Variants in MOCS3 observed in about 807,000 individuals in gnomAD.
The protein encoded by MOCS3 is adenylyltransferase and sulfurtransferase MOCS3.
Under a neutral mutation model 8.4 loss-of-function variants are expected in MOCS3, and 9 were observed. The observed-to-expected ratio is 1.07, with a 90% CI of 0.65 to 1.87. The LOEUF is 1.87. Among genes scored for constraint, MOCS3 ranks in the 40% most tolerant of loss-of-function variants. MOCS3 has a pLI of 0.00. For missense variants in MOCS3, 581 were observed against 599.7 expected, an observed-to-expected ratio of 0.97 and a Z score of 0.33; for synonymous variants, 294 against 272.0, an observed-to-expected ratio of 1.08 and a Z score of -0.80.
chr20:50,959,269 G>T lies in MOCS3; in HGVS notation c.427G>T (p.Ala143Ser). 6.2e-7 allele frequency: 1 copy of T among 1,609,670 alleles called. No individual in the cohort carries two copies. The highest frequency in any genetic ancestry group is 8.5e-7 in the Non-Finnish European group (1 of 1,179,322). Residue 143 changes from alanine (A) to serine (S), a missense_variant, in exon 1 of 1, where the codon GCC (alanine) becomes TCC (serine). Transcript: ENST00000244051. ...AGQAKAFSAA[A>S]SLRRLNSAVE... The stretch of plus-strand genomic sequence containing the variant: ...CCAGGCCAAGGCCTTTTCGGCCGCC[G>T]CCTCGCTGCGCCGCCTCAATTCGGC...
rs919025124 is a variant in MOCS3 at position 50,962,699 on chromosome 20, G to A, written c.*2474G>A. 1.3e-5 allele frequency: 2 copies of A among 152,146 alleles called. No individual in the cohort carries two copies. Among genetic ancestry groups the A allele is most frequent in the African/African-American group, 2.4e-5 (1 of 41,410 alleles). 9.4% of individuals were successfully genotyped at this position (152,146 alleles called of 1,614,324 possible). A position where few individuals can be genotyped will look rare whatever the true frequency, so the allele number is the denominator to read the frequency against. ...TGAGTAGCTGGGATTACAGGCACCT[G>A]CCACCACATCTGGCTAATTTTTCTA... On this transcript the variant is annotated 3_prime_UTR_variant, in exon 1 of 1. Transcript: ENST00000244051.
In MOCS3 at chr20:50,960,064, A is replaced by G. The variant is rs368022303; in HGVS notation, c.1222A>G (p.Ile408Val). 1.9e-6 allele frequency: 3 copies of G among 1,614,152 alleles called. No individual in the cohort carries two copies. The highest frequency in any genetic ancestry group is 2.5e-6 in the Non-Finnish European group (3 of 1,180,046). Residue 408 changes from isoleucine (I) to valine (V), a missense_variant, in exon 1 of 1, where the codon ATT (isoleucine) becomes GTT (valine). Ile to Val is a conservative substitution (Grantham distance 29). Coordinates refer to ENST00000244051, the MANE Select transcript of MOCS3 (RefSeq NM_014484.5). ...QGTQEGAAVPIYVICKLGNDS... is the reference protein window; with the variant it reads ...QGTQEGAAVPVYVICKLGNDS... ...CACACAAGAAGGGGCTGCTGTCCCC[A>G]TTTATGTGATTTGCAAACTGGGAAA... is the stretch of plus-strand genomic sequence containing the variant.
chr20:50,961,942 C>T lies in MOCS3; in HGVS notation c.*1717C>T, dbSNP rs1163567157. The T allele has an allele frequency of 1.3e-5, 2 of 152,160 alleles. No homozygotes were observed. Among genetic ancestry groups the T allele is most frequent in the African/African-American group, 4.8e-5 (2 of 41,432 alleles). The allele number at this position is 152,160 out of a possible 1,614,324, so 9.4% of individuals were successfully genotyped here. ...ACATAGCAGGAAACAAATAGCGACA[C>T]ACAGGAACAATTTCATATTCTAAAG... On this transcript the variant is annotated 3_prime_UTR_variant, in exon 1 of 1. Transcript: ENST00000244051.
rs74274627 is a variant in MOCS3 at position 50,961,021 on chromosome 20, C to A, written c.*796C>A. ...CTTCCCAGAGTGCTGGGATTACAGG[C>A]GTGAGCCACCACACCCTCCCGAGAT... On this transcript the variant is annotated 3_prime_UTR_variant, in exon 1 of 1. Coordinates refer to ENST00000244051, the MANE Select transcript of MOCS3 (RefSeq NM_014484.5). The A allele has an allele frequency of 1.2e-5, 2 of 166,930 alleles. No homozygotes were observed. The highest frequency in any genetic ancestry group is 4.8e-5 in the African/African-American group (2 of 41,388). The allele number at this position is 166,930 out of a possible 1,614,324, so 10.3% of individuals were successfully genotyped here. A position where few individuals can be genotyped will look rare whatever the true frequency, so the allele number is the denominator to read the frequency against.
rs1405400662 is a variant in MOCS3 at position 50,961,663 on chromosome 20, T to A, written c.*1438T>A. ...TTGCAATTTGTGATATAGAATCTTG[T>A]TTTATTATAAGAGGGTGGTATTTAA... On this transcript the variant is annotated 3_prime_UTR_variant, in exon 1 of 1. Transcript: ENST00000244051. The A allele has an allele frequency of 6.6e-6, 1 of 152,230 alleles. No homozygotes were observed. The highest frequency in any genetic ancestry group is 1.5e-5 in the Non-Finnish European group (1 of 68,036). 9.4% of individuals were successfully genotyped at this position (152,230 alleles called of 1,614,324 possible).
At position 50,960,745 on chromosome 20, in the gene MOCS3, A is replaced by AT. The variant is rs200423195; in HGVS notation, c.*536dup. 2,463 of 151,182 alleles carry AT rather than the reference A, an allele frequency of 0.016. 22 individuals are homozygous for AT. The highest frequency in any genetic ancestry group is 0.031 in the African/African-American group (1,233 of 39,176). The allele number at this position is 151,182 out of a possible 1,614,324, so 9.4% of individuals were successfully genotyped here. A position where few individuals can be genotyped will look rare whatever the true frequency, so the allele number is the denominator to read the frequency against. Reference sequence around the variant, plus strand: ...CCTTTTGAATTAGTATCAAAATGAGATTTTTTTTTTTTTTTTGAGATGGAA... The same window carrying AT: ...CCTTTTGAATTAGTATCAAAATGAGATTTTTTTTTTTTTTTTTGAGATGGAA... On this transcript the variant is annotated 3_prime_UTR_variant, in exon 1 of 1. Coordinates refer to ENST00000244051, the MANE Select transcript of MOCS3 (RefSeq NM_014484.5).
chr20:50,960,414 A>C lies in MOCS3; in HGVS notation c.*189A>C. 1.8e-6 allele frequency: 1 copy of C among 550,734 alleles called. No homozygotes were observed. Among genetic ancestry groups the C allele is most frequent in the Non-Finnish European group, 3.1e-6 (1 of 327,456 alleles). The allele number at this position is 550,734 out of a possible 1,614,324, so 34.1% of individuals were successfully genotyped here. On this transcript the variant is annotated 3_prime_UTR_variant, in exon 1 of 1. Coordinates refer to ENST00000244051, the MANE Select transcript of MOCS3 (RefSeq NM_014484.5). Reference sequence around the variant, plus strand: ...GATGAATGACTTATTAATGGATTATACCGTTTCTGAGAACCATCATTTTTT... The same window carrying C: ...GATGAATGACTTATTAATGGATTATCCCGTTTCTGAGAACCATCATTTTTT...
rs759425469 is a variant in MOCS3, at chr20:50,959,637, G to C, written c.795G>C (p.Ala265=). 6.2e-7 allele frequency: 1 copy of C among 1,614,122 alleles called. No individual in the cohort carries two copies. Among genetic ancestry groups the C allele is most frequent in the African/African-American group, 1.3e-5 (1 of 74,948 alleles). Residue 265 remains alanine, a synonymous_variant, in exon 1 of 1, where the codon GCG becomes GCC. Coordinates refer to ENST00000244051, the MANE Select transcript of MOCS3 (RefSeq NM_014484.5). Reference sequence around the variant, plus strand: ...CCTTGGAAGTGCTGAAAATCGCTGCGGGTCTGGGCCCCTCTTACAGTGGCA... The same window carrying C: ...CCTTGGAAGTGCTGAAAATCGCTGCCGGTCTGGGCCCCTCTTACAGTGGCA... ...LQALEVLKIA[A]GLGPSYSGSL...
rs1045863557 is a variant in MOCS3, at chr20:50,959,327, C to G, written c.485C>G (p.Thr162Arg). 3 of 1,610,164 alleles carry G rather than the reference C, an allele frequency of 1.9e-6. No homozygotes were observed. The highest frequency in any genetic ancestry group is 1.7e-4 in the Middle Eastern group (1 of 6,054). ...VECVPYTQAL[T>R]PATALDLVRR... ...TGCGTGCCGTACACTCAGGCCCTTA[C>G]GCCAGCCACTGCCCTAGACCTGGTC... The change falls in exon 1 of 1, where the codon ACG (threonine) becomes AGG (arginine). Residue 162 changes from threonine (T) to arginine (R), a missense_variant. Physicochemically the swap from Thr to Arg is moderately conservative, Grantham distance 71. Coordinates refer to ENST00000244051, the MANE Select transcript of MOCS3 (RefSeq NM_014484.5).
chr20:50,962,148 A>T lies in MOCS3; in HGVS notation c.*1923A>T, dbSNP rs1438759362. ...CTAGGAATGATGCCCGAAATCATGC[A>T]CAAAACTGGCCTTAGGAGAACAGTG... On this transcript the variant is annotated 3_prime_UTR_variant, in exon 1 of 1. Transcript: ENST00000244051. 1 of 152,226 alleles carries T rather than the reference A, an allele frequency of 6.6e-6. No individual in the cohort carries two copies. The highest frequency in any genetic ancestry group is 1.5e-5 in the Non-Finnish European group (1 of 68,054). 9.4% of individuals were successfully genotyped at this position (152,226 alleles called of 1,614,324 possible).
In MOCS3 at chr20:50,962,629, A is replaced by G. The variant is rs1167182568; in HGVS notation, c.*2404A>G. 6.6e-6 allele frequency: 1 copy of G among 152,226 alleles called. No homozygotes were observed. The highest frequency in any genetic ancestry group is 1.5e-5 in the Non-Finnish European group (1 of 68,066). 9.4% of individuals were successfully genotyped at this position (152,226 alleles called of 1,614,324 possible). A position where few individuals can be genotyped will look rare whatever the true frequency, so the allele number is the denominator to read the frequency against. On this transcript the variant is annotated 3_prime_UTR_variant, in exon 1 of 1. Transcript: ENST00000244051. ...CAGCGGCACAATCTCGGCTCACTGC[A>G]ACCTCCACCTCCCATGTTCAAGTGA... is the stretch of plus-strand genomic sequence containing the variant.
rs1277297939 is a variant in MOCS3 at position 50,959,385 on chromosome 20, C to T, written c.543C>T (p.Asp181=). 2.5e-6 allele frequency: 4 copies of T among 1,612,888 alleles called. No homozygotes were observed. The highest frequency in any genetic ancestry group is 8.5e-7 in the Non-Finnish European group (1 of 1,179,448). The change falls in exon 1 of 1, where the codon GAC becomes GAT. Residue 181 remains aspartate, a synonymous_variant. Transcript: ENST00000244051. ...ATGATGTGGTGGCTGACTGCTCGGA[C>T]AACGTGCCCACTCGCTACCTGGTTA... ...RRYDVVADCS[D]NVPTRYLVND... is the part of the protein sequence containing the mutation.
rs202056600 is a variant in MOCS3 at position 50,959,816 on chromosome 20, G to A, written c.974G>A (p.Arg325His). The part of the protein sequence containing the change: ...FCGSSATDKC[R>H]SLQLLSPEER... The stretch of plus-strand genomic sequence containing the variant: ...GGCTCCTCAGCCACTGATAAATGCC[G>A]CTCCCTGCAACTACTGAGCCCAGAG... The change falls in exon 1 of 1, where the codon CGC (arginine) becomes CAC (histidine). Residue 325 changes from arginine (R) to histidine (H), a missense_variant. Physicochemically the swap from Arg to His is conservative, Grantham distance 29. Coordinates refer to ENST00000244051, the MANE Select transcript of MOCS3 (RefSeq NM_014484.5). 1 of 1,614,100 alleles carries A rather than the reference G, an allele frequency of 6.2e-7. No individual in the cohort carries two copies. Among genetic ancestry groups the A allele is most frequent in the African/African-American group, 1.3e-5 (1 of 74,932 alleles).
chr20:50,963,765 A>C lies in MOCS3; in HGVS notation c.*3540A>C, dbSNP rs1987145925. ...TGTGTTATTTGGGATTTGAATCCAG[A>C]TGCTCTGGTTGAAGAGCCCATTCCC... On this transcript the variant is annotated 3_prime_UTR_variant, in exon 1 of 1. Transcript: ENST00000244051. 6.6e-6 allele frequency: 1 copy of C among 152,224 alleles called. No individual in the cohort carries two copies. Among genetic ancestry groups the C allele is most frequent in the Admixed American group, 6.5e-5 (1 of 15,290 alleles). The allele number at this position is 152,224 out of a possible 1,614,324, so 9.4% of individuals were successfully genotyped here.
chr20:50,959,085 G>T lies in MOCS3; in HGVS notation c.243G>T (p.Gly81=). The part of the protein sequence containing the change: ...ELGVHGQLRL[G]TACVLIVGCG... ...GCGTGCACGGACAGCTGCGCCTGGG[G>T]ACCGCGTGCGTGCTAATCGTGGGCT... is the stretch of plus-strand genomic sequence containing the variant. Residue 81 remains glycine, a synonymous_variant, in exon 1 of 1, where the codon GGG becomes GGT. Coordinates refer to ENST00000244051, the MANE Select transcript of MOCS3 (RefSeq NM_014484.5). 6.2e-7 allele frequency: 1 copy of T among 1,613,060 alleles called. No homozygotes were observed.
chr20:50,959,925 G>A lies in MOCS3; in HGVS notation c.1083G>A (p.Glu361=), dbSNP rs540441624. Residue 361 remains glutamate, a synonymous_variant, in exon 1 of 1, where the codon GAG becomes GAA. Coordinates refer to ENST00000244051, the MANE Select transcript of MOCS3 (RefSeq NM_014484.5). ...TGCTGGACGTCAGGCCTCAGGTGGA[G>A]GTGGACATTTGTCGTTTGCCTCATG... ...HLLLDVRPQV[E]VDICRLPHAL... The A allele has an allele frequency of 9.3e-6, 15 of 1,614,288 alleles. No homozygotes were observed. In the South Asian group the frequency reaches 1.3e-4, roughly 14 times the overall value.
rs1027577330 is a variant in MOCS3 at position 50,960,480 on chromosome 20, A to G, written c.*255A>G. On this transcript the variant is annotated 3_prime_UTR_variant, in exon 1 of 1. Transcript: ENST00000244051. ...GGATGTCTTGGACATGTGAGATGTA[A>G]CGTGACAGGATTTTGCATTTTAAAC... 7.8e-6 allele frequency: 3 copies of G among 383,602 alleles called. No individual in the cohort carries two copies. The highest frequency in any genetic ancestry group is 9.8e-6 in the Non-Finnish European group (2 of 204,962). 23.8% of individuals were successfully genotyped at this position (383,602 alleles called of 1,614,324 possible).
Position 50,959,273 on chromosome 20 carries a change from C to G in MOCS3, c.431C>G (p.Ser144Trp). Residue 144 changes from serine (S) to tryptophan (W), a missense_variant, in exon 1 of 1, where the codon TCG becomes TGG. By Grantham distance (177) the Ser-to-Trp change is radical. Transcript: ENST00000244051. ...GQAKAFSAAA[S>W]LRRLNSAVEC... ...GCCAAGGCCTTTTCGGCCGCCGCCT[C>G]GCTGCGCCGCCTCAATTCGGCAGTG... 6.2e-7 allele frequency: 1 copy of G among 1,609,984 alleles called. No individual in the cohort carries two copies. The highest frequency in any genetic ancestry group is 8.5e-7 in the Non-Finnish European group (1 of 1,179,384).
In MOCS3 at chr20:50,960,160, C is replaced by T. The variant is rs780240518; in HGVS notation, c.1318C>T (p.Arg440Trp). 6 of 1,614,164 alleles carry T rather than the reference C, an allele frequency of 3.7e-6. No individual in the cohort carries two copies. The highest frequency in any genetic ancestry group is 2.2e-5 in the East Asian group (1 of 44,884). The change falls in exon 1 of 1, where the codon CGG becomes TGG. Residue 440 changes from arginine (R) to tryptophan (W), a missense_variant. Physicochemically the swap from Arg to Trp is moderately radical, Grantham distance 101. Transcript: ENST00000244051. ...TCAAGAGTTAGACCCTTTAACAGTT[C>T]GGGATGTTGTGGGGGGCCTCATGGC... ...AAQELDPLTV[R>W]DVVGGLMAWA...
Sources: gnomAD v4.1 joint callset for allele counts on GRCh38, gnomAD v4.1.1 for gene constraint, MANE v1.5 for transcripts, NCBI Gene and HGNC (gene_info 2026-07-23, HGNC 2026-07-21) for gene names.